Variants in MAP2K1 observed in about 807,000 individuals in gnomAD.
MAP2K1 encodes mitogen-activated protein kinase kinase 1.
In MAP2K1, 16 loss-of-function variants were observed where a neutral mutation model predicts 46.3. The observed-to-expected ratio is 0.35, with a 90% CI of 0.23 to 0.52. The LOEUF is 0.52. Ranked by LOEUF, MAP2K1 falls within the 20% of genes least tolerant of loss-of-function variation. MAP2K1 has a pLI of 0.94. For synonymous variants in MAP2K1, 183 were observed against 185.6 expected, an observed-to-expected ratio of 0.99 and a Z score of 0.11; for missense variants, 263 against 497.1, an observed-to-expected ratio of 0.53 and a Z score of 4.48.
intron 5 of MAP2K1, among the ~76,000 whole-genome samples, chr15:66,456,331 G>A (rs945071272): frequency 3.3e-5 from 5 of 152,132 alleles, no homozygotes; most frequent in African/African-American, 1.2e-4. Context: ...GATAGAATCC[G>A]ATGTGACATA....
chr15:66,392,113 A>G (rs1255362108), intron 1 of MAP2K1, among the ~76,000 whole-genome samples: 1 of 152,068 alleles, frequency 6.6e-6, no homozygotes, highest in African/African-American at 2.4e-5. Flanking sequence ...CAGGCTCTTA[A>G]AGTTTTGCCT....
chr15:66,406,758 C>T (rs1351656396), intron 1 of MAP2K1, among the ~76,000 whole-genome samples: 1 of 152,064 alleles, frequency 6.6e-6, no homozygotes, highest in Non-Finnish European at 1.5e-5. Flanking sequence ...AGGCTGGGTG[C>T]GGTGGCTCAC....
At chr15:66,407,416 A>G (rs566480551) in intron 1 of MAP2K1, among the ~76,000 whole-genome samples, 2 of 152,340 alleles carry the variant, frequency 1.3e-5, no homozygotes, top group African/African-American at 4.8e-5. Context: ...TTGGAATAAC[A>G]GTCCCTTGTG....
chr15:66,485,278 A>C, intron 7 of MAP2K1, 87 bp downstream of exon 7: 1 of 1,255,154 alleles, frequency 8.0e-7, no homozygotes, highest in Middle Eastern at 2.7e-4. Flanking sequence ...GATTCTCTGT[A>C]CATTCTGCCA....
intron 1 of MAP2K1, among the ~76,000 whole-genome samples, chr15:66,414,419 G>A (rs764743980): frequency 9.9e-5 from 15 of 152,176 alleles, no homozygotes; most frequent in Non-Finnish European, 1.8e-4. Flanking sequence ...AGCAAAAAGG[G>A]TACAAATCAG....
chr15:66,434,221 G>T (rs1306404423), intron 1 of MAP2K1, among the ~76,000 whole-genome samples: 1 of 152,138 alleles, frequency 6.6e-6, no homozygotes, highest in Non-Finnish European at 1.5e-5. Context: ...CAAACTAGAT[G>T]AACATTAAGA....
intron 5 of MAP2K1, among the ~76,000 whole-genome samples, chr15:66,479,844 G>A (rs1378629908): frequency 1.3e-5 from 2 of 152,068 alleles, no homozygotes; most frequent in African/African-American, 4.8e-5. Context: ...GATGAAGAGG[G>A]GCCAAGTGGA....
chr15:66,489,375 TTTGCCCTTTAC>T (rs752794631), intron 9 of MAP2K1, 99 bp downstream of exon 9: 3 of 1,202,216 alleles, frequency 2.5e-6, no homozygotes, highest in Non-Finnish European at 3.7e-6. Flanking sequence ...CAGGCAGAGT[TTTGCCCTTTAC>T]CCTCCCGTCT....
At position 66,478,865 on chromosome 15, in the gene MAP2K1, A is replaced by C. The variant is rs1303867882; in HGVS notation, c.569-2890A>C. ...TGTCTGTCTCCTCACAATAAAATTT[A>C]AGCTTCATGACAGTGGGGGACTTGG... On this transcript the variant is annotated intron_variant, in intron 5 of 10. Transcript: ENST00000307102. 4.6e-5 allele frequency among the ~76,000 whole-genome samples: 7 copies of C among 152,320 alleles called. 1 individual carries two copies. In the South Asian group the frequency reaches 1.4e-3, roughly 32 times the overall value.
At position 66,478,002 on chromosome 15, in the gene MAP2K1, C is replaced by T. The variant is rs115283818; in HGVS notation, c.569-3753C>T. Among the ~76,000 whole-genome samples the T allele has an allele frequency of 7.8e-3, 1,192 of 152,186 alleles. 14 individuals are homozygous for T. Among genetic ancestry groups the T allele is most frequent in the African/African-American group, 0.027 (1,114 of 41,508 alleles). On this transcript the variant is annotated intron_variant, in intron 5 of 10. Coordinates refer to ENST00000307102, the MANE Select transcript of MAP2K1 (RefSeq NM_002755.4). ...ACCTCCAACAAGCAACTGCTGGACTCATGCCTCGGCTGAAGTGTTTGTGGG... is the reference window on the plus strand; with the variant it reads ...ACCTCCAACAAGCAACTGCTGGACTTATGCCTCGGCTGAAGTGTTTGTGGG...
intron 1 of MAP2K1, among the ~76,000 whole-genome samples, chr15:66,398,867 G>A (rs904040907): frequency 6.6e-6 from 1 of 151,518 alleles, no homozygotes; most frequent in Admixed American, 6.6e-5. Flanking sequence ...TCCGTCTCCC[G>A]GGTTCAAGTG....
At chr15:66,457,361 C>A (rs1356871611) in intron 5 of MAP2K1, among the ~76,000 whole-genome samples, 1 of 152,172 alleles carries the variant, frequency 6.6e-6, no homozygotes, top group East Asian at 1.9e-4. Context: ...CTCAAGTGAT[C>A]CACCTGCCTT....
intron 1 of MAP2K1, among the ~76,000 whole-genome samples, chr15:66,426,203 G>A (rs944898249): frequency 2.3e-4 from 34 of 150,290 alleles, no homozygotes; most frequent in African/African-American, 8.1e-4. Context: ...TAAAAGAATG[G>A]CTGCTCCATA....
intron 1 of MAP2K1, among the ~76,000 whole-genome samples, chr15:66,432,776 C>T (rs1021363441): frequency 3.9e-5 from 6 of 152,204 alleles, no homozygotes; most frequent in African/African-American, 1.4e-4. Flanking sequence ...GTGCCACTTA[C>T]CAGCTCTTTG....
At chr15:66,408,543 T>G (rs1411482344) in intron 1 of MAP2K1, among the ~76,000 whole-genome samples, 4 of 151,666 alleles carry the variant, frequency 2.6e-5, no homozygotes, top group East Asian at 1.9e-4. Flanking sequence ...TGCGTGTGTG[T>G]GGGGGTGGTA....
At chr15:66,428,333 G>C (rs574745298) in intron 1 of MAP2K1, among the ~76,000 whole-genome samples, 1 of 140,194 alleles carries the variant, frequency 7.1e-6, no homozygotes, top group South Asian at 2.3e-4. Context: ...TGTATGAGAG[G>C]GTTATTGATG....
At chr15:66,463,250 G>A (rs1004292871) in intron 5 of MAP2K1, among the ~76,000 whole-genome samples, 2 of 152,214 alleles carry the variant, frequency 1.3e-5, no homozygotes, top group African/African-American at 2.4e-5. Context: ...TAGGATATAC[G>A]TGAAGAGAGA....
intron 10 of MAP2K1, 112 bp from the exon 11 acceptor site, chr15:66,490,389 CT>C: frequency 1.2e-6 from 1 of 838,590 alleles, no homozygotes; most frequent in Non-Finnish European, 2.1e-6. Context: ...GCCAGGTGCT[CT>C]TTCCAAGTGC....
At chr15:66,446,779 C>A (rs1891879540) in intron 5 of MAP2K1, 2 of 291,038 alleles carry the variant, frequency 6.9e-6, no homozygotes, top group Non-Finnish European at 1.4e-5. Context: ...CAGCCTTCCA[C>A]ATATTTCCTT....
Sources: allele counts gnomAD v4.1 joint callset (sites outside exome capture counted in the v4.1 genomes callset), GRCh38; gene constraint gnomAD v4.1.1; transcripts MANE v1.5; gene names NCBI Gene and HGNC (gene_info 2026-07-23, HGNC 2026-07-21).